Variants in RP2 observed in about 807,000 individuals in gnomAD.
RP2 encodes protein XRP2.
In RP2, 3 loss-of-function variants were observed where a neutral mutation model predicts 20.3. The ratio of observed to expected loss-of-function variants is 0.15; its 90% CI spans 0.07 to 0.38. RP2 has a LOEUF of 0.38. Among genes scored for constraint, RP2 ranks in the 10% least tolerant of loss-of-function variants. The pLI, the probability that RP2 is intolerant of heterozygous loss-of-function variation, is 1.00. For synonymous variants in RP2, 75 were observed against 94.8 expected, an observed-to-expected ratio of 0.79 and a Z score of 1.22; for missense variants, 233 against 268.5, an observed-to-expected ratio of 0.87 and a Z score of 0.92.
intron 1 of RP2, among the ~76,000 whole-genome samples, chrX:46,838,848 A>T (rs1340307007): frequency 8.9e-6 from 1 of 112,076 alleles, no homozygotes; most frequent in African/African-American, 3.2e-5. Context: ...TTTCCCCACA[A>T]ATGAGTGTGT....
rs371505091 is a variant in RP2, at chrX:46,847,787, C to CATATGTGTGTGTATATACACACAT, written c.103-5687_103-5686insATGTGTGTGTATATACACACATAT. ...ACACATGTGTGTGTGTACATACACACATGTGTGTGTGTATATATATACACA... is the reference window on the plus strand; with the variant it reads ...ACACATGTGTGTGTGTACATACACACATATGTGTGTGTATATACACACATATGTGTGTGTGTATATATATACACA... On this transcript the variant is annotated intron_variant, in intron 1 of 4. Transcript: ENST00000218340. Among the ~76,000 whole-genome samples the CATATGTGTGTGTATATACACACAT allele has an allele frequency of 7.1e-4, 59 of 82,651 alleles. 1 individual carries two copies. Among genetic ancestry groups the CATATGTGTGTGTATATACACACAT allele is most frequent in the Non-Finnish European group, 9.4e-4 (42 of 44,658 alleles). The allele number at this position is 82,651 out of a possible 115,157, so 71.8% of individuals were successfully genotyped here.
intron 3 of RP2, among the ~76,000 whole-genome samples, chrX:46,868,756 A>G: frequency 1.0e-5 from 1 of 100,083 alleles, no homozygotes; most frequent in Non-Finnish European, 2.0e-5. Flanking sequence ...ACTGCACTCC[A>G]GCCTAGGAGA....
At chrX:46,875,484 A>G (rs1478745334) in intron 3 of RP2, among the ~76,000 whole-genome samples, 9 of 110,795 alleles carry the variant, frequency 8.1e-5, no homozygotes, top group Non-Finnish European at 1.7e-4. Context: ...TTGGTGCCCT[A>G]GCAACCTCCA....
intron 3 of RP2, among the ~76,000 whole-genome samples, chrX:46,868,611 C>T (rs1207021671): frequency 9.4e-6 from 1 of 106,465 alleles, no homozygotes; most frequent in African/African-American, 3.4e-5. Flanking sequence ...TGATGAAACC[C>T]GGGTCTCTAC....
chrX:46,854,085 G>A lies in RP2; in HGVS notation c.712G>A (p.Val238Met), dbSNP rs782650810. 2 of 1,211,899 alleles carry A rather than the reference G, an allele frequency of 1.7e-6. No homozygotes were observed. The highest frequency in any genetic ancestry group is 3.5e-5 in the South Asian group (2 of 57,010). ...RQKSSDESCL[V>M]VLFAGDYTIA... ...GAAGAGCAGCGATGAATCATGCTTA[G>A]TGGTATTATTTGCTGGTGATTACAC... is the stretch of plus-strand genomic sequence containing the variant. Residue 238 changes from valine (V) to methionine (M), a missense_variant, in exon 2 of 5, where the codon GTG becomes ATG. This residue lies in a region of RP2 where 118 missense variants were observed against 123.8 expected (regional missense o/e 0.95). Coordinates refer to ENST00000218340, the MANE Select transcript of RP2 (RefSeq NM_006915.3).
rs1377382504 is a variant in RP2, at chrX:46,881,370, C to T, written c.*1601C>T. On this transcript the variant is annotated 3_prime_UTR_variant, in exon 5 of 5. Coordinates refer to ENST00000218340, the MANE Select transcript of RP2 (RefSeq NM_006915.3). ...GACAGATTTAATATAATTTTGATCA[C>T]AATTTACAAATGATCTTTGCAAATA... 1 of 111,006 alleles carries T rather than the reference C, an allele frequency of 9.0e-6. No homozygotes were observed. The highest frequency in any genetic ancestry group is 3.3e-5 in the African/African-American group (1 of 30,484). 9.1% of individuals were successfully genotyped at this position (111,006 alleles called of 1,213,427 possible).
intron 4 of RP2, 93 bp from the exon 5 acceptor site, chrX:46,879,593 T>C (rs1361421869): frequency 5.8e-6 from 3 of 520,192 alleles, no homozygotes; most frequent in Non-Finnish European, 6.5e-6. Flanking sequence ...TTTTGAATAA[T>C]TAGCTTGGAA....
chrX:46,855,887 A>G (rs1197215310), intron 2 of RP2, among the ~76,000 whole-genome samples: 1 of 112,061 alleles, frequency 8.9e-6, no homozygotes, highest in Non-Finnish European at 1.9e-5. Context: ...ATATTCCACA[A>G]TGTAGAAAAC....
At chrX:46,846,895 A>G (rs1556316268) in intron 1 of RP2, among the ~76,000 whole-genome samples, 4 of 111,335 alleles carry the variant, frequency 3.6e-5, no homozygotes, top group Non-Finnish European at 5.7e-5. Flanking sequence ...CACTCGGCTA[A>G]TATTTTTATT....
At chrX:46,837,380 A>G (rs971981082) in intron 1 of RP2, among the ~76,000 whole-genome samples, 178 bp downstream of exon 1, 3 of 111,385 alleles carry the variant, frequency 2.7e-5, no homozygotes, top group Non-Finnish European at 5.7e-5. Flanking sequence ...ACAGCGCTAG[A>G]GAGGCCGCCC....
At chrX:46,840,126 C>G (rs1169603312) in intron 1 of RP2, among the ~76,000 whole-genome samples, 1 of 111,876 alleles carries the variant, frequency 8.9e-6, no homozygotes, top group African/African-American at 3.2e-5. Flanking sequence ...TACAGGCGTG[C>G]ACCACCACGC....
chrX:46,840,418 T>A (rs1556314633), intron 1 of RP2, among the ~76,000 whole-genome samples: 2 of 112,571 alleles, frequency 1.8e-5, no homozygotes, highest in Non-Finnish European at 3.8e-5. Flanking sequence ...TCATAGCAAC[T>A]GACATACTGT....
In RP2 at chrX:46,880,778, A is replaced by G. The variant is rs1270613936; in HGVS notation, c.*1009A>G. On this transcript the variant is annotated 3_prime_UTR_variant, in exon 5 of 5. Transcript: ENST00000218340. ...TGTTTCCCAAATCTACCTGATCATAATAATTTACCAGGAAGCAGAGGAGAG... is the reference window on the plus strand; with the variant it reads ...TGTTTCCCAAATCTACCTGATCATAGTAATTTACCAGGAAGCAGAGGAGAG... The G allele has an allele frequency of 3.6e-5, 4 of 112,301 alleles. No individual in the cohort carries two copies. The highest frequency in any genetic ancestry group is 7.5e-5 in the Non-Finnish European group (4 of 53,311). 9.3% of individuals were successfully genotyped at this position (112,301 alleles called of 1,213,427 possible). A position where few individuals can be genotyped will look rare whatever the true frequency, so the allele number is the denominator to read the frequency against.
At chrX:46,872,156 T>G (rs1395897050) in intron 3 of RP2, among the ~76,000 whole-genome samples, 1 of 112,524 alleles carries the variant, frequency 8.9e-6, no homozygotes, top group Non-Finnish European at 1.9e-5. Flanking sequence ...TGAAATCTAC[T>G]TCATCTCAAA....
intron 1 of RP2, among the ~76,000 whole-genome samples, chrX:46,847,501 G>A (rs1362574349): frequency 9.4e-6 from 1 of 106,137 alleles, no homozygotes; most frequent in East Asian, 3.0e-4. Flanking sequence ...CGCGATCTCG[G>A]TTCACTGCAC....
intron 1 of RP2, among the ~76,000 whole-genome samples, chrX:46,851,622 G>A (rs1556318120): frequency 1.9e-5 from 2 of 104,902 alleles, no homozygotes; most frequent in African/African-American, 3.5e-5. Context: ...GGTGACAAGA[G>A]TGAAACTCCA....
chrX:46,837,266 C>T (rs1275180057), intron 1 of RP2, 64 bp downstream of exon 1: 10 of 1,053,857 alleles, frequency 9.5e-6, no homozygotes, highest in Non-Finnish European at 1.3e-5. Flanking sequence ...TCCCTTACGG[C>T]CCGGGACCGC....
chrX:46,844,411 G>A (rs1397299898), intron 1 of RP2, among the ~76,000 whole-genome samples: 1 of 102,648 alleles, frequency 9.7e-6, no homozygotes, highest in Non-Finnish European at 1.9e-5. Context: ...TCCCACCTAT[G>A]AGTGAGAACA....
At chrX:46,852,646 G>A (rs1924882372) in intron 1 of RP2, among the ~76,000 whole-genome samples, 1 of 110,771 alleles carries the variant, frequency 9.0e-6, no homozygotes. Flanking sequence ...GCAGTGGTGC[G>A]ATCTCGGCTC....
Sources: gnomAD v4.1 joint callset for allele counts (sites outside exome capture counted in the v4.1 genomes callset) on GRCh38, gnomAD v4.1.1 for gene constraint, gnomAD v4.1.1 regional missense constraint, MANE v1.5 for transcripts, NCBI Gene and HGNC (gene_info 2026-07-23, HGNC 2026-07-21) for gene names.